DOK5: variants seen among roughly 807,000 people sequenced by gnomAD.
DOK5 encodes downstream of tyrosine kinase 5.
Under a neutral mutation model 43.3 loss-of-function variants are expected in DOK5, and 27 were observed. The ratio of observed to expected loss-of-function variants is 0.62; its 90% confidence interval spans 0.46 to 0.86. DOK5 has a LOEUF of 0.86. Ranked by LOEUF, DOK5 falls within the 40% of genes least tolerant of loss-of-function variation. The pLI, the probability that DOK5 is intolerant of heterozygous loss-of-function variation, is 0.00. For missense variants in DOK5, 373 were observed against 392.9 expected, an observed-to-expected ratio of 0.95 and a Z score of 0.43; for synonymous variants, 146 against 140.1, an observed-to-expected ratio of 1.04 and a Z score of -0.30.
intron 1 of DOK5, among the ~76,000 whole-genome samples, chr20:54,529,068 A>C (rs755467041): frequency 6.6e-6 from 1 of 152,212 alleles, no homozygotes; most frequent in Non-Finnish European, 1.5e-5. Flanking sequence ...AACCAGGTGC[A>C]TACACAATTT....
At chr20:54,486,513 T>A (rs924546755) in intron 1 of DOK5, among the ~76,000 whole-genome samples, 1 of 152,146 alleles carries the variant, frequency 6.6e-6, no homozygotes, top group African/African-American at 2.4e-5. Flanking sequence ...TTTAAAATAA[T>A]GTCTATAACT....
Position 54,516,323 on chromosome 20 carries a change from C to A in DOK5, c.67-38610C>A, listed in dbSNP as rs919154144. 3.9e-5 allele frequency among the ~76,000 whole-genome samples: 6 copies of A among 152,046 alleles called. No homozygotes were observed. The East Asian group carries it at 1.2e-3, about 29-fold the overall frequency. ...TTTTATTCAAATTGGGGTTCTAATTCAGTCTAAAAAAAACTGAGCAGTGTT... is the reference window on the plus strand; with the variant it reads ...TTTTATTCAAATTGGGGTTCTAATTAAGTCTAAAAAAAACTGAGCAGTGTT... On this transcript the variant is annotated intron_variant, in intron 1 of 7. Transcript: ENST00000262593.
intron 6 of DOK5, among the ~76,000 whole-genome samples, chr20:54,626,809 G>T (rs1358779743): frequency 6.6e-6 from 1 of 152,222 alleles, no homozygotes; most frequent in African/African-American, 2.4e-5. Flanking sequence ...AATGGAAATA[G>T]TTTGAAGTCT....
intron 5 of DOK5, among the ~76,000 whole-genome samples, chr20:54,606,819 T>C (rs993946768): frequency 5.3e-5 from 8 of 152,192 alleles, no homozygotes; most frequent in Non-Finnish European, 4.4e-5. Flanking sequence ...TGGGTCAGGC[T>C]GTCCAATGAA....
intron 1 of DOK5, among the ~76,000 whole-genome samples, chr20:54,537,758 T>C (rs1947136284): frequency 1.3e-5 from 2 of 150,880 alleles, no homozygotes; most frequent in Admixed American, 6.6e-5. Flanking sequence ...GACTGAAAAG[T>C]GTGGAAGTCC....
intron 1 of DOK5, among the ~76,000 whole-genome samples, chr20:54,538,237 C>T: frequency 6.6e-6 from 1 of 151,098 alleles, no homozygotes. Context: ...TCACAGTTTC[C>T]AAGAACCTAT....
chr20:54,582,881 AAT>A (rs751288153), intron 2 of DOK5, among the ~76,000 whole-genome samples: 4 of 151,810 alleles, frequency 2.6e-5, no homozygotes, highest in Non-Finnish European at 2.9e-5. Flanking sequence ...GTTCTAATCT[AAT>A]TTTTATTATT....
intron 1 of DOK5, among the ~76,000 whole-genome samples, chr20:54,488,776 C>T (rs976508640): frequency 3.6e-5 from 5 of 137,380 alleles, no homozygotes; most frequent in Non-Finnish European, 7.9e-5. Flanking sequence ...TCCCCTCCCT[C>T]CCCTCGTCCC....
chr20:54,623,831 G>T (rs1228755841), intron 6 of DOK5, among the ~76,000 whole-genome samples: 1 of 152,126 alleles, frequency 6.6e-6, no homozygotes, highest in African/African-American at 2.4e-5. Flanking sequence ...CACCCACCTT[G>T]GCCTGCCAAA....
At chr20:54,596,989 CTA>C (rs756620504) in intron 5 of DOK5, among the ~76,000 whole-genome samples, 3 of 152,182 alleles carry the variant, frequency 2.0e-5, no homozygotes, top group Non-Finnish European at 4.4e-5. Context: ...ATTATATATA[CTA>C]TGTGTCAAGC....
At chr20:54,617,161 C>T (rs1052993448) in intron 6 of DOK5, among the ~76,000 whole-genome samples, 1 of 152,124 alleles carries the variant, frequency 6.6e-6, no homozygotes, top group African/African-American at 2.4e-5. Flanking sequence ...TTGAGGGCTA[C>T]AGTTTCTTGC....
intron 1 of DOK5, among the ~76,000 whole-genome samples, chr20:54,482,100 A>T (rs1318700328): frequency 2.6e-5 from 4 of 152,250 alleles, no homozygotes; most frequent in African/African-American, 7.2e-5. Flanking sequence ...TTGATGGTTG[A>T]TACAGAAGGA....
At chr20:54,542,567 C>T (rs998557636) in intron 1 of DOK5, among the ~76,000 whole-genome samples, 2 of 152,142 alleles carry the variant, frequency 1.3e-5, no homozygotes, top group African/African-American at 4.8e-5. Context: ...GAAGGGTTCC[C>T]TGTGTGTGGC....
intron 1 of DOK5, among the ~76,000 whole-genome samples, chr20:54,479,020 A>G (rs2146653228): frequency 6.6e-6 from 1 of 152,210 alleles, no homozygotes; most frequent in Non-Finnish European, 1.5e-5. Flanking sequence ...CATAGGAATA[A>G]ATATATACAT....
At chr20:54,500,615 A>G (rs7265994) in intron 1 of DOK5, among the ~76,000 whole-genome samples, 7,353 of 136,704 alleles carry the variant, frequency 0.054, 665 homozygotes, top group African/African-American at 0.19. Context: ...GGGCTGGAGT[A>G]TAGTGGCACG....
chr20:54,630,688 T>G (rs966998079), intron 6 of DOK5, among the ~76,000 whole-genome samples: 2 of 152,232 alleles, frequency 1.3e-5, no homozygotes, highest in African/African-American at 4.8e-5. Flanking sequence ...GATTTACCTT[T>G]TCTCTTCTTA....
At chr20:54,519,983 A>G (rs1178393051) in intron 1 of DOK5, among the ~76,000 whole-genome samples, 1 of 152,102 alleles carries the variant, frequency 6.6e-6, no homozygotes, top group East Asian at 1.9e-4. Flanking sequence ...GTGTGTTTTA[A>G]CCTCTATGGT....
At chr20:54,611,789 G>A (rs1986659952) in intron 6 of DOK5, among the ~76,000 whole-genome samples, 1 of 152,210 alleles carries the variant, frequency 6.6e-6, no homozygotes, top group African/African-American at 2.4e-5. Flanking sequence ...ATTGAAACAT[G>A]TGGGGTGGTT....
chr20:54,628,300 T>A (rs1169017131), intron 6 of DOK5, among the ~76,000 whole-genome samples: 1 of 150,288 alleles, frequency 6.7e-6, no homozygotes, highest in African/African-American at 2.5e-5. Flanking sequence ...TCCCAGCTAC[T>A]CTGGAGGCTG....
Sources: gnomAD v4.1 joint callset for allele counts (sites outside exome capture counted in the v4.1 genomes callset) on GRCh38, gnomAD v4.1.1 for gene constraint, MANE v1.5 for transcripts, NCBI Gene and HGNC (gene_info 2026-07-23, HGNC 2026-07-21) for gene names.